ADGRL3: variants seen among roughly 807,000 people sequenced by gnomAD.
ADGRL3 encodes calcium-independent alpha-latrotoxin receptor 3.
Under a neutral mutation model 153.5 loss-of-function variants are expected in ADGRL3, and 62 were observed. That is an observed-to-expected ratio of 0.40 (90% confidence interval 0.33 to 0.50). The LOEUF is 0.50. Among genes scored for constraint, ADGRL3 ranks in the 20% least tolerant of loss-of-function variants. ADGRL3 has a pLI of 0.47. For synonymous variants in ADGRL3, 710 were observed against 672.5 expected (o/e 1.06, Z -0.86); for missense variants, 1,641 against 1,859.4 (o/e 0.88, Z 2.16).
intron 2 of ADGRL3, among the ~76,000 whole-genome samples, chr4:61,422,938 A>C (rs1187544741): frequency 6.6e-6 from 1 of 152,118 alleles, no homozygotes; most frequent in Non-Finnish European, 1.5e-5. Context: ...TGAAAAAGTA[A>C]CAATTTTGGT....
intron 15 of ADGRL3, among the ~76,000 whole-genome samples, chr4:61,937,603 T>C (rs1312979757): frequency 2.6e-5 from 4 of 152,276 alleles, no homozygotes; most frequent in East Asian, 3.9e-4. Flanking sequence ...TGTTTCTTCA[T>C]AGCATTTATT....
At chr4:61,462,798 C>T (rs2097839717) in intron 2 of ADGRL3, among the ~76,000 whole-genome samples, 1 of 152,090 alleles carries the variant, frequency 6.6e-6, no homozygotes, top group Non-Finnish European at 1.5e-5. Flanking sequence ...AGCTATTGTT[C>T]CATGTGTGTA....
chr4:61,320,347 C>T (rs1485197407), intron 1 of ADGRL3, among the ~76,000 whole-genome samples: 1 of 152,152 alleles, frequency 6.6e-6, no homozygotes, highest in Non-Finnish European at 1.5e-5. Flanking sequence ...GTCATTCCTA[C>T]TTGTGTTAGT....
intron 8 of ADGRL3, among the ~76,000 whole-genome samples, chr4:61,743,148 G>A (rs563795733): frequency 9.9e-5 from 15 of 151,544 alleles, no homozygotes; most frequent in African/African-American, 1.7e-4. Flanking sequence ...GCGAAACCCC[G>A]TCTCTATTAA....
intron 1 of ADGRL3, among the ~76,000 whole-genome samples, chr4:61,372,937 C>G (rs936886505): frequency 4.6e-5 from 7 of 151,896 alleles, no homozygotes; most frequent in East Asian, 1.9e-4. Context: ...GTGGTGCGCC[C>G]TTTTTTAAGC....
chr4:61,531,940 A>G (rs1044535438), intron 4 of ADGRL3, among the ~76,000 whole-genome samples: 1 of 152,180 alleles, frequency 6.6e-6, no homozygotes, highest in Non-Finnish European at 1.5e-5. Context: ...CTGTGTTTCA[A>G]ATGAAGGTGG....
At chr4:61,893,852 C>T (rs575047119) in intron 10 of ADGRL3, among the ~76,000 whole-genome samples, 18 of 151,408 alleles carry the variant, frequency 1.2e-4, no homozygotes, top group African/African-American at 2.2e-4. Flanking sequence ...GGATTACAGG[C>T]GCCCACCACC....
At position 61,517,366 on chromosome 4, in the gene ADGRL3, C is replaced by G. The variant is rs1184356357; in HGVS notation, c.107C>G (p.Ala36Gly). 3 of 707,064 alleles carry G rather than the reference C, an allele frequency of 4.2e-6. No individual in the cohort carries two copies. The highest frequency in any genetic ancestry group is 7.7e-6 in the Non-Finnish European group (3 of 388,932). 43.8% of individuals were successfully genotyped at this position (707,064 alleles called of 1,614,324 possible). Residue 36 changes from alanine (A) to glycine (G), a missense_variant, in exon 4 of 27, where the codon GCT (alanine) becomes GGT (glycine). Physicochemically the swap from Ala to Gly is moderately conservative, Grantham distance 60 (BLOSUM62 0). Around this residue, in one of 5 missense-constraint regions of ADGRL3, gnomAD observed 145 missense variants for 79.1 expected, o/e 1.83. Coordinates refer to ENST00000683033, the MANE Select transcript of ADGRL3 (RefSeq NM_001387552.1). Reference protein sequence around the residue: ...HPALAAPLRHAERSPGGALPP... With the variant: ...HPALAAPLRHGERSPGGALPP... ...GCCCTTGCTGCTCCATTGCGACACGCTGAGCGCAGCCCAGGAGGCGCTCTT... is the reference window on the plus strand; with the variant it reads ...GCCCTTGCTGCTCCATTGCGACACGGTGAGCGCAGCCCAGGAGGCGCTCTT...
At chr4:61,565,835 G>A (rs1219088046) in intron 4 of ADGRL3, among the ~76,000 whole-genome samples, 4 of 152,144 alleles carry the variant, frequency 2.6e-5, no homozygotes, top group African/African-American at 9.7e-5. Context: ...ACCACACCCA[G>A]TCGGATTTAG....
intron 8 of ADGRL3, among the ~76,000 whole-genome samples, chr4:61,793,422 A>AAAAC (rs940301583): frequency 6.6e-6 from 1 of 152,196 alleles, no homozygotes; most frequent in East Asian, 1.9e-4. Context: ...GACTCCATCA[A>AAAAC]AAACAAACAA....
At chr4:61,443,926 A>G (rs2097553134) in intron 2 of ADGRL3, among the ~76,000 whole-genome samples, 1 of 152,212 alleles carries the variant, frequency 6.6e-6, no homozygotes, top group African/African-American at 2.4e-5. Context: ...GATTTTAAAT[A>G]CATTGCAAAT....
chr4:61,791,167 C>T (rs150422731), intron 8 of ADGRL3, among the ~76,000 whole-genome samples: 297 of 152,228 alleles, frequency 2.0e-3, no homozygotes, highest in African/African-American at 6.0e-3. Flanking sequence ...CTCAAAAGTC[C>T]ACAGTCCAAA....
At chr4:61,702,815 C>G (rs1045232275) in intron 6 of ADGRL3, among the ~76,000 whole-genome samples, 2 of 152,108 alleles carry the variant, frequency 1.3e-5, no homozygotes, top group Non-Finnish European at 2.9e-5. Flanking sequence ...GCACTTATAT[C>G]TATATCTATA....
intron 2 of ADGRL3, among the ~76,000 whole-genome samples, chr4:61,405,388 T>A (rs1311499620): frequency 6.6e-6 from 1 of 152,008 alleles, no homozygotes; most frequent in Non-Finnish European, 1.5e-5. Flanking sequence ...TAGCACTGCA[T>A]ATGAGCTGTG....
At chr4:62,005,056 A>G (rs2099153011) in intron 21 of ADGRL3, among the ~76,000 whole-genome samples, 2 of 152,138 alleles carry the variant, frequency 1.3e-5, no homozygotes, top group Admixed American at 1.3e-4. Context: ...GCTTCAGACA[A>G]GTTGAGACTT....
chr4:61,200,379 G>C lies in ADGRL3; in HGVS notation c.-1626G>C, dbSNP rs1223438831. On this transcript the variant is annotated 5_prime_UTR_variant, in exon 1 of 27. Coordinates refer to ENST00000683033, the MANE Select transcript of ADGRL3 (RefSeq NM_001387552.1). ...CGCCTACCCCGCGCGCAGGCTGCAC[G>C]GTCCCCGCGCGCCCGCGCTCTGACC... is the stretch of plus-strand genomic sequence containing the variant. Among the ~76,000 whole-genome samples, 1 of 151,908 alleles carries C rather than the reference G, an allele frequency of 6.6e-6. No homozygotes were observed. The highest frequency in any genetic ancestry group is 1.5e-5 in the Non-Finnish European group (1 of 67,954).
intron 11 of ADGRL3, among the ~76,000 whole-genome samples, chr4:61,900,119 T>C (rs528379887): frequency 6.6e-6 from 1 of 152,282 alleles, no homozygotes; most frequent in Admixed American, 6.5e-5. Context: ...AACCTCTGGA[T>C]TCGTTTCCCC....
intron 6 of ADGRL3, among the ~76,000 whole-genome samples, chr4:61,703,247 A>G (rs559408904): frequency 7.2e-5 from 11 of 152,268 alleles, no homozygotes; most frequent in African/African-American, 2.6e-4. Context: ...AAATAAATTT[A>G]AATGCTTAAA....
chr4:61,332,387 C>T lies in ADGRL3; in HGVS notation c.-239-50737C>T, dbSNP rs528940524. The stretch of plus-strand genomic sequence containing the variant: ...AGCGTGGACCAGTTACTTCAATCTT[C>T]AGTTCTAATACAAATATGCCTAAAA... On this transcript the variant is annotated intron_variant, in intron 1 of 26. Transcript: ENST00000683033. 1.5e-4 allele frequency among the ~76,000 whole-genome samples: 23 copies of T among 152,200 alleles called. 1 individual carries two copies. The highest frequency in any genetic ancestry group is 5.1e-4 in the African/African-American group (21 of 41,528).
Sources: allele counts gnomAD v4.1 joint callset (sites outside exome capture counted in the v4.1 genomes callset), GRCh38; gene constraint gnomAD v4.1.1; regional missense constraint gnomAD v4.1.1; transcripts MANE v1.5; gene names NCBI Gene and HGNC (gene_info 2026-07-23, HGNC 2026-07-21).